DCP2: variants seen among roughly 807,000 people sequenced by gnomAD.
DCP2 encodes m7GpppN-mRNA hydrolase.
A neutral mutation model predicts 56.1 loss-of-function variants in DCP2; 30 were observed. That is an observed-to-expected ratio of 0.53 (90% CI 0.40 to 0.73). The LOEUF is 0.73. DCP2 is among the 30% of genes least tolerant of loss of function. The probability of loss-of-function intolerance (pLI) is 0.00; values close to 1 mark genes in which losing one functional copy is unlikely to be tolerated. For missense variants in DCP2, 533 were observed against 502.7 expected (o/e 1.06, Z -0.58); for synonymous variants, 197 against 163.3 (o/e 1.21, Z -1.57).
At chr5:113,004,808 C>A (rs1426663638) in intron 8 of DCP2, among the ~76,000 whole-genome samples, 1 of 145,100 alleles carries the variant, frequency 6.9e-6, no homozygotes. Context: ...TTCAATGTTA[C>A]TTTTTTTTTT....
At chr5:112,996,448 A>T (rs1748858352) in intron 4 of DCP2, among the ~76,000 whole-genome samples, 1 of 152,104 alleles carries the variant, frequency 6.6e-6, no homozygotes, top group African/African-American at 2.4e-5. Context: ...TTTAAGTTCT[A>T]CCATGGGTGC....
rs1217258842 is a variant in DCP2, at chr5:113,021,285, T to G, written c.*7801T>G. Among the ~76,000 whole-genome samples the G allele has an allele frequency of 6.6e-6, 1 of 150,980 alleles. No homozygotes were observed. Among genetic ancestry groups the G allele is most frequent in the Non-Finnish European group, 1.5e-5 (1 of 67,892 alleles). On this transcript the variant is annotated 3_prime_UTR_variant, in exon 11 of 11. Transcript: ENST00000389063. Reference sequence around the variant, plus strand: ...GGGAGGCTGAGGCAGGAGAATCTCTTGACCCCGGGAGGCAGAGGTCGCAGT... The same window carrying G: ...GGGAGGCTGAGGCAGGAGAATCTCTGGACCCCGGGAGGCAGAGGTCGCAGT...
intron 4 of DCP2, among the ~76,000 whole-genome samples, chr5:112,997,044 A>G (rs577742915): frequency 1.3e-5 from 2 of 152,378 alleles, no homozygotes; most frequent in South Asian, 2.1e-4. Flanking sequence ...AGGTTAAAGC[A>G]GAGGGGACTT....
intron 1 of DCP2, chr5:112,984,209 A>C (rs573525517): frequency 1.3e-5 from 2 of 152,374 alleles, no homozygotes; most frequent in East Asian, 1.9e-4. Context: ...ATTGTGGGGA[A>C]AAAAAATCCA....
intron 10 of DCP2, 128 bp downstream of exon 10, chr5:113,010,935 A>G (rs1358819510): frequency 1.0e-6 from 1 of 979,230 alleles, no homozygotes; most frequent in Non-Finnish European, 1.5e-6. Context: ...TGTTCTGTAG[A>G]AAGAGTTCAT....
intron 9 of DCP2, among the ~76,000 whole-genome samples, chr5:113,008,945 G>T (rs1749561683): frequency 1.3e-5 from 2 of 151,876 alleles, no homozygotes; most frequent in African/African-American, 4.8e-5. Flanking sequence ...CCGGGTTCAA[G>T]TGATTCCCCT....
chr5:112,997,593 C>T (rs867094232), intron 4 of DCP2, among the ~76,000 whole-genome samples: 2 of 151,428 alleles, frequency 1.3e-5, no homozygotes, highest in African/African-American at 4.8e-5. Context: ...CTTTGGGTTA[C>T]ACTTTTTCTT....
At position 113,007,989 on chromosome 5, in the gene DCP2, C is replaced by T; in HGVS notation, c.994C>T (p.Gln332Ter). 6.2e-7 allele frequency: 1 copy of T among 1,613,854 alleles called. No homozygotes were observed. Among genetic ancestry groups the T allele is most frequent in the Non-Finnish European group, 8.5e-7 (1 of 1,179,878 alleles). ...GRKQYQDSPN[Q>*]KKRTNGLQPA... Reference sequence around the variant, plus strand: ...AAAACAGTATCAAGATTCACCTAATCAAAAGAAAAGAACAAATGGGCTTCA... The same window carrying T: ...AAAACAGTATCAAGATTCACCTAATTAAAAGAAAAGAACAAATGGGCTTCA... The change falls in exon 9 of 11, where the codon CAA (glutamine) becomes TAA (stop). Residue 332 changes from glutamine to a stop codon, truncating the protein, a stop_gained. Coordinates refer to ENST00000389063, the MANE Select transcript of DCP2 (RefSeq NM_152624.6). LOFTEE classifies it high-confidence loss of function.
At chr5:112,992,563 T>G in intron 3 of DCP2, 109 bp from the exon 4 acceptor site, 1 of 815,664 alleles carries the variant, frequency 1.2e-6, no homozygotes, top group South Asian at 1.7e-5. Context: ...CTCTGTAAAA[T>G]TATTGGCGAT....
rs1749185779 is a variant in DCP2 at position 113,001,664 on chromosome 5, G to A, written c.796G>A (p.Glu266Lys). 1 of 1,613,574 alleles carries A rather than the reference G, an allele frequency of 6.2e-7. No individual in the cohort carries two copies. Among genetic ancestry groups the A allele is most frequent in the African/African-American group, 1.3e-5 (1 of 74,894 alleles). The change falls in exon 7 of 11, where the codon GAA (glutamate) becomes AAA (lysine). Residue 266 changes from glutamate (E) to lysine (K), a missense_variant. Glu to Lys is a moderately conservative substitution (Grantham distance 56). Around this residue, in one of 3 missense-constraint regions of DCP2, gnomAD observed 392 missense variants for 346.6 expected, o/e 1.13. Transcript: ENST00000389063. ...TAGCACGCCGGCTAAACCCACTGTG[G>A]AAAAATTGAGGTAAAGAAATACATT... ...TGSTPAKPTV[E>K]KLSRTKFRHS... is the part of the protein sequence containing the mutation.
chr5:112,990,493 A>T (rs1748529201), intron 2 of DCP2, among the ~76,000 whole-genome samples: 1 of 152,210 alleles, frequency 6.6e-6, no homozygotes. Flanking sequence ...CCAGGCCCTT[A>T]TAGAACCATA....
At chr5:112,987,620 C>CTTT (rs562254738) in intron 2 of DCP2, among the ~76,000 whole-genome samples, 2,244 of 69,646 alleles carry the variant, frequency 0.032, 168 homozygotes, top group African/African-American at 0.1. Flanking sequence ...ACCTAGGTGC[C>CTTT]TTTTTTTTTT....
At chr5:112,982,808 T>C (rs979872116) in intron 1 of DCP2, among the ~76,000 whole-genome samples, 17 of 152,238 alleles carry the variant, frequency 1.1e-4, no homozygotes, top group Admixed American at 1.1e-3. Flanking sequence ...AATTATGTTT[T>C]CTTCAGCGTC....
intron 4 of DCP2, 22 bp downstream of exon 4, chr5:112,992,792 C>A (rs778686528): frequency 1.3e-6 from 2 of 1,542,478 alleles, no homozygotes; most frequent in Non-Finnish European, 1.7e-6. Context: ...CATTTTGATA[C>A]ACAGTAAATT....
intron 4 of DCP2, among the ~76,000 whole-genome samples, chr5:113,000,564 T>C (rs1749130231): frequency 1.3e-5 from 2 of 152,134 alleles, no homozygotes; most frequent in African/African-American, 4.8e-5. Flanking sequence ...TCGAGATTAA[T>C]TTATTAATCA....
chr5:112,983,176 A>G (rs907710237), intron 1 of DCP2, among the ~76,000 whole-genome samples: 1 of 152,322 alleles, frequency 6.6e-6, no homozygotes, highest in Non-Finnish European at 1.5e-5. Flanking sequence ...AAACTGATGA[A>G]GTCTGGGTTT....
intron 2 of DCP2, among the ~76,000 whole-genome samples, chr5:112,987,623 T>C (rs1440817908): frequency 7.0e-5 from 9 of 128,514 alleles, no homozygotes; most frequent in African/African-American, 2.8e-4. Context: ...TAGGTGCCTT[T>C]TTTTTTTTTT....
chr5:112,987,620 CTTTT>C (rs562254738), intron 2 of DCP2, among the ~76,000 whole-genome samples: 17 of 69,732 alleles, frequency 2.4e-4, no homozygotes, highest in African/African-American at 7.5e-4. Context: ...ACCTAGGTGC[CTTTT>C]TTTTTTTTTT....
At chr5:112,986,149 CAT>C (rs1561686542) in intron 2 of DCP2, 163 bp downstream of exon 2, 4 of 598,328 alleles carry the variant, frequency 6.7e-6, no homozygotes, top group Non-Finnish European at 1.1e-5. Context: ...TAGTAATAAT[CAT>C]ATTAATAATC....
Sources: allele counts gnomAD v4.1 joint callset (sites outside exome capture counted in the v4.1 genomes callset), GRCh38; gene constraint gnomAD v4.1.1; regional missense constraint gnomAD v4.1.1; transcripts MANE v1.5; gene names NCBI Gene and HGNC (gene_info 2026-07-23, HGNC 2026-07-21).